RAB38: variants seen among roughly 807,000 people sequenced by gnomAD.
RAB38 encodes the protein ras-related protein Rab-38.
RAB38 carries 15 observed loss-of-function variants against 18.4 expected under a neutral mutation model. The observed-to-expected ratio is 0.82, with a 90% confidence interval of 0.55 to 1.26. RAB38 has a LOEUF of 1.26. Among genes scored for constraint, RAB38 ranks in the 50% most tolerant of loss-of-function variants. The probability of loss-of-function intolerance (pLI) is 0.00; values close to 1 mark genes in which losing one functional copy is unlikely to be tolerated. For synonymous variants in RAB38, 101 were observed against 104.4 expected (o/e 0.97, Z 0.20); for missense variants, 294 against 267.4 (o/e 1.10, Z -0.69).
chr11:88,131,837 T>C (rs1281769532), intron 2 of RAB38, among the ~76,000 whole-genome samples: 1 of 152,204 alleles, frequency 6.6e-6, no homozygotes, highest in Non-Finnish European at 1.5e-5. Context: ...TTCATAAGAC[T>C]TCACTGTAGC....
chr11:87,939,847 G>A, the RAB38 span, among the ~76,000 whole-genome samples: 8 of 152,092 alleles, frequency 5.3e-5, no homozygotes, highest in African/African-American at 1.9e-4. Flanking sequence ...AGCTACGAGC[G>A]TGCCACTATA....
At chr11:87,855,244 A>G in the RAB38 span, among the ~76,000 whole-genome samples, 4 of 152,178 alleles carry the variant, frequency 2.6e-5, no homozygotes, top group East Asian at 1.9e-4. Context: ...ATTAAAGTCA[A>G]TGCTTTTCAA....
At chr11:87,908,890 GT>G in the RAB38 span, among the ~76,000 whole-genome samples, 10 of 151,806 alleles carry the variant, frequency 6.6e-5, no homozygotes, top group Non-Finnish European at 1.3e-4. Context: ...CAAAATGCTT[GT>G]TTTATTAAAA....
At chr11:87,828,604 T>C in the RAB38 span, among the ~76,000 whole-genome samples, 1 of 152,302 alleles carries the variant, frequency 6.6e-6, no homozygotes, top group East Asian at 1.9e-4. Flanking sequence ...ACTAGGTTCT[T>C]CTTGCTCAGA....
At chr11:87,977,748 A>ATTCT in the RAB38 span, among the ~76,000 whole-genome samples, 24 of 72,220 alleles carry the variant, frequency 3.3e-4, no homozygotes, top group Non-Finnish European at 4.4e-4. Flanking sequence ...TATATTCTAT[A>ATTCT]ATATATATAT....
At chr11:87,899,594 A>G in the RAB38 span, among the ~76,000 whole-genome samples, 1 of 151,612 alleles carries the variant, frequency 6.6e-6, no homozygotes, top group African/African-American at 2.4e-5. Context: ...GACAAAAAGA[A>G]TCAGGGAAGG....
At chr11:87,883,744 A>G in the RAB38 span, among the ~76,000 whole-genome samples, 2 of 152,014 alleles carry the variant, frequency 1.3e-5, no homozygotes, top group African/African-American at 4.8e-5. Context: ...GGTCAGAGAG[A>G]TGCATTGTTG....
At chr11:88,166,830 T>C (rs1157631578) in intron 1 of RAB38, 1 of 152,146 alleles carries the variant, frequency 6.6e-6, no homozygotes, top group Non-Finnish European at 1.5e-5. Flanking sequence ...CTTTTATATA[T>C]TAATGTTTAT....
chr11:87,924,030 CAG>C, the RAB38 span, among the ~76,000 whole-genome samples: 3 of 134,120 alleles, frequency 2.2e-5, no homozygotes, highest in African/African-American at 8.6e-5. Context: ...GAAGTAAATA[CAG>C]ACACACACAC....
chr11:87,870,100 T>C, the RAB38 span, among the ~76,000 whole-genome samples: 1 of 151,728 alleles, frequency 6.6e-6, no homozygotes, highest in African/African-American at 2.4e-5. Context: ...TTAAAATTAA[T>C]ACTATTTAGT....
chr11:88,024,064 A>G, the RAB38 span, among the ~76,000 whole-genome samples: 1 of 152,086 alleles, frequency 6.6e-6, no homozygotes, highest in African/African-American at 2.4e-5. Flanking sequence ...TCAACCTAAA[A>G]AGCTTTTACA....
At chr11:87,869,463 T>C in the RAB38 span, among the ~76,000 whole-genome samples, 1 of 151,668 alleles carries the variant, frequency 6.6e-6, no homozygotes, top group East Asian at 1.9e-4. Context: ...TACTCTACTA[T>C]AGTGCATCTG....
At chr11:87,885,787 C>G in the RAB38 span, among the ~76,000 whole-genome samples, 6 of 151,906 alleles carry the variant, frequency 3.9e-5, no homozygotes, top group Non-Finnish European at 8.8e-5. Flanking sequence ...GCCTTGGCCT[C>G]TAGCATGGGA....
chr11:88,043,991 C>G, the RAB38 span, among the ~76,000 whole-genome samples: 1 of 152,158 alleles, frequency 6.6e-6, no homozygotes, highest in African/African-American at 2.4e-5. Flanking sequence ...ACCTCTCTCA[C>G]TATCCCTCAA....
chr11:87,812,614 G>A, the RAB38 span, among the ~76,000 whole-genome samples: 2 of 152,142 alleles, frequency 1.3e-5, no homozygotes. Context: ...GACTGCAGGC[G>A]CAGGCTGTAT....
downstream of RAB38, among the ~76,000 whole-genome samples, chr11:88,111,936 A>G (rs943085754): frequency 6.6e-6 from 1 of 152,188 alleles, no homozygotes; most frequent in Non-Finnish European, 1.5e-5. Flanking sequence ...TATTTTGCCA[A>G]TGTAGTTCTG....
At chr11:87,821,120 A>C in the RAB38 span, among the ~76,000 whole-genome samples, 150 of 152,168 alleles carry the variant, frequency 9.9e-4, no homozygotes, top group African/African-American at 3.5e-3. Flanking sequence ...TCCAATCCAC[A>C]TTTTTTTTAA....
the RAB38 span, among the ~76,000 whole-genome samples, chr11:87,924,073 G>T: frequency 3.3e-5 from 5 of 151,522 alleles, no homozygotes; most frequent in Non-Finnish European, 5.9e-5. Flanking sequence ...AAGACACTTG[G>T]CATTGTTCTA....
the RAB38 span, among the ~76,000 whole-genome samples, chr11:87,937,162 G>A: frequency 6.6e-6 from 1 of 151,500 alleles, no homozygotes; most frequent in Non-Finnish European, 1.5e-5. Flanking sequence ...TTATCTGAAT[G>A]AGTATTGAGT....
Sources: gnomAD v4.1 joint callset for allele counts (sites outside exome capture counted in the v4.1 genomes callset) on GRCh38, gnomAD v4.1.1 for gene constraint, MANE v1.5 for transcripts, NCBI Gene and HGNC (gene_info 2026-07-23, HGNC 2026-07-21) for gene names.